The following KLRG1 variants were observed in gnomAD, a reference collection of about 807,000 sequenced individuals.
KLRG1 encodes the protein killer cell lectin-like receptor subfamily G member 1.
In KLRG1, 16 loss-of-function variants were observed where a neutral mutation model predicts 21.8. That is an observed-to-expected ratio of 0.73 (90% CI 0.50 to 1.11). The LOEUF (loss-of-function observed/expected upper bound fraction) is 1.11, where lower values mean the gene tolerates loss of function less well. KLRG1 is among the 50% of genes most tolerant of loss of function. The pLI is 0.00. For synonymous variants in KLRG1, 69 were observed against 75.9 expected, an observed-to-expected ratio of 0.91 and a Z score of 0.47; for missense variants, 173 against 218.3, an observed-to-expected ratio of 0.79 and a Z score of 1.31.
the KLRG1 span, chr12:9,192,320 C>A: frequency 6.8e-7 from 1 of 1,478,478 alleles, no homozygotes; most frequent in South Asian, 1.1e-5. Context: ...CTTCTATTCC[C>A]CACATGACCC....
the KLRG1 span, chr12:9,072,933 A>G: frequency 7.1e-7 from 1 of 1,409,394 alleles, no homozygotes; most frequent in Middle Eastern, 2.4e-4. Context: ...GGGCTGAGAT[A>G]TTTTTCAAAG....
the KLRG1 span, among the ~76,000 whole-genome samples, chr12:9,103,210 GCTTA>G: frequency 6.6e-6 from 1 of 152,108 alleles, no homozygotes; most frequent in African/African-American, 2.4e-5. Context: ...GTTAAAGGGG[GCTTA>G]CTAAGTGATT....
At chr12:9,182,132 G>GAGTGAGACAAAATGGTTATA in the KLRG1 span, 14 of 1,554,324 alleles carry the variant, frequency 9.0e-6, no homozygotes, top group African/African-American at 1.4e-5. Context: ...AACATGGAGA[G>GAGTGAGACAAAATGGTTATA]AGTGAGACAA....
chr12:9,057,005 G>A, the KLRG1 span, among the ~76,000 whole-genome samples: 2 of 152,074 alleles, frequency 1.3e-5, no homozygotes, highest in Admixed American at 1.3e-4. Context: ...TTATTTATAA[G>A]CACTTCTACG....
the KLRG1 span, chr12:9,150,840 C>T: frequency 1.2e-6 from 1 of 812,678 alleles, no homozygotes; most frequent in Non-Finnish European, 2.1e-6. Context: ...GACTCTTTTT[C>T]ACCAGTGTCT....
chr12:9,109,185 C>T, the KLRG1 span: 1 of 631,674 alleles, frequency 1.6e-6, no homozygotes, highest in Non-Finnish European at 2.8e-6. Context: ...GAATAACATT[C>T]TACAGATGAG....
the KLRG1 span, among the ~76,000 whole-genome samples, chr12:9,209,868 TATTAGCATTGATA>T: frequency 6.6e-6 from 1 of 152,168 alleles, no homozygotes; most frequent in East Asian, 1.9e-4. Flanking sequence ...TTTTAAGACT[TATTAGCATTGATA>T]ATGAGGATAA....
At chr12:8,959,897 G>T (rs1450454409) in intron 1 of KLRG1, among the ~76,000 whole-genome samples, 1 of 152,102 alleles carries the variant, frequency 6.6e-6, no homozygotes, top group African/African-American at 2.4e-5. Context: ...CTGTTAGTTT[G>T]CCACTTATTT....
At chr12:9,149,848 G>C in the KLRG1 span, among the ~76,000 whole-genome samples, 1 of 152,180 alleles carries the variant, frequency 6.6e-6, no homozygotes, top group Admixed American at 6.5e-5. Flanking sequence ...TTGGGAAGAT[G>C]ATCATAATTG....
chr12:9,079,198 A>T, the KLRG1 span: 1 of 1,468,460 alleles, frequency 6.8e-7, no homozygotes, highest in African/African-American at 1.4e-5. Context: ...TACATGTAAA[A>T]GAGCTGGCAC....
intron 1 of KLRG1, among the ~76,000 whole-genome samples, chr12:8,960,436 C>T (rs1014149997): frequency 5.3e-5 from 8 of 152,182 alleles, no homozygotes; most frequent in African/African-American, 1.9e-4. Context: ...AGATCTCACA[C>T]AGTGCTAGGA....
the KLRG1 span, among the ~76,000 whole-genome samples, chr12:9,025,361 G>A: frequency 6.6e-6 from 1 of 152,194 alleles, no homozygotes; most frequent in Non-Finnish European, 1.5e-5. Context: ...GTGTGGCTGG[G>A]TACAGTGGTT....
the KLRG1 span, chr12:9,154,771 C>T: frequency 1.1e-5 from 17 of 1,613,922 alleles, no homozygotes; most frequent in East Asian, 3.1e-4. Context: ...GCAGAGGGAG[C>T]CTGGGTTTGG....
At chr12:9,181,234 T>A in the KLRG1 span, 1 of 1,429,920 alleles carries the variant, frequency 7.0e-7, no homozygotes, top group Non-Finnish European at 9.5e-7. Flanking sequence ...TTCATATGAC[T>A]ATGTTGGTAA....
chr12:9,147,198 C>T, the KLRG1 span, among the ~76,000 whole-genome samples: 3 of 152,198 alleles, frequency 2.0e-5, no homozygotes, highest in African/African-American at 2.4e-5. Context: ...ACACACTCTG[C>T]TGACCAGGGA....
At chr12:9,050,617 G>A in the KLRG1 span, among the ~76,000 whole-genome samples, 1 of 152,158 alleles carries the variant, frequency 6.6e-6, no homozygotes, top group Non-Finnish European at 1.5e-5. Flanking sequence ...GCCTCCCTGT[G>A]CTCCCGGAGG....
chr12:9,036,749 C>A, the KLRG1 span: 1 of 378,138 alleles, frequency 2.6e-6, no homozygotes. Context: ...ACTGCATAAA[C>A]CTTGCTTGTG....
the KLRG1 span, among the ~76,000 whole-genome samples, chr12:9,178,169 A>G: frequency 6.6e-6 from 1 of 152,252 alleles, no homozygotes; most frequent in Non-Finnish European, 1.5e-5. Context: ...TCTGTGGTCA[A>G]CTGTGATCCA....
chr12:9,106,477 T>G, the KLRG1 span: 1 of 1,526,294 alleles, frequency 6.6e-7, no homozygotes, highest in Non-Finnish European at 9.0e-7. Flanking sequence ...CTTATACCCA[T>G]GTAGTACACA....
Sources: allele counts gnomAD v4.1 joint callset (sites outside exome capture counted in the v4.1 genomes callset), GRCh38; gene constraint gnomAD v4.1.1; transcripts MANE v1.5; gene names NCBI Gene and HGNC (gene_info 2026-07-23, HGNC 2026-07-21).